The following NAA25 variants were observed in gnomAD, a reference collection of about 807,000 sequenced individuals.
NAA25 encodes the protein N-terminal acetyltransferase B complex subunit NAA25.
Under a neutral mutation model 132.5 loss-of-function variants are expected in NAA25, and 30 were observed. That is an observed-to-expected ratio of 0.23 (90% CI 0.17 to 0.31). The LOEUF is 0.31. NAA25 is among the 10% of genes least tolerant of loss of function. NAA25 has a pLI of 1.00. For synonymous variants in NAA25, 359 were observed against 401.9 expected (o/e 0.89, Z 1.28); for missense variants, 771 against 1,150.4 (o/e 0.67, Z 4.77).
chr12:112,098,074 T>A (rs187875667), intron 1 of NAA25, among the ~76,000 whole-genome samples: 68 of 146,808 alleles, frequency 4.6e-4, no homozygotes, highest in African/African-American at 1.7e-3. Context: ...TGAGCTGAGA[T>A]TGTGCCACTG....
chr12:112,086,073 T>TACATACACACACAC (rs2079049783), intron 4 of NAA25, among the ~76,000 whole-genome samples: 1 of 53,964 alleles, frequency 1.9e-5, no homozygotes, highest in African/African-American at 1.2e-4. Flanking sequence ...TATATATATA[T>TACATACACACACAC]ACACACACAC....
chr12:112,077,736 G>A (rs537591678), intron 7 of NAA25, among the ~76,000 whole-genome samples: 33 of 151,944 alleles, frequency 2.2e-4, no homozygotes, highest in South Asian at 2.1e-3. Context: ...GAATGTTTGC[G>A]GTATCTACAG....
chr12:112,044,209 G>T (rs1367880604), intron 17 of NAA25, among the ~76,000 whole-genome samples: 1 of 151,274 alleles, frequency 6.6e-6, no homozygotes, highest in Non-Finnish European at 1.5e-5. Flanking sequence ...GGGATTACAG[G>T]CGTCAGCTAC....
chr12:112,099,298 T>TC (rs34765565), intron 1 of NAA25, among the ~76,000 whole-genome samples: 156 of 151,806 alleles, frequency 1.0e-3, no homozygotes, highest in African/African-American at 3.6e-3. Context: ...TTTTTTTTTT[T>TC]CCAGAAGGAA....
intron 1 of NAA25, 114 bp downstream of exon 1, chr12:112,108,602 C>A (rs566329894): frequency 5.3e-6 from 6 of 1,139,868 alleles, no homozygotes; most frequent in African/African-American, 1.6e-5. Flanking sequence ...GGCCCGCCCC[C>A]CTGCGCCTGC....
At chr12:112,043,503 T>C in intron 18 of NAA25, 122 bp downstream of exon 18, 1 of 1,150,596 alleles carries the variant, frequency 8.7e-7, no homozygotes, top group Non-Finnish European at 1.2e-6. Flanking sequence ...CTCTTTCTCC[T>C]GCAGAAGCCA....
rs1251238041 is a variant in NAA25, at chr12:112,049,890, T to C, written c.1729-1447A>G. ...AAAACAGCTGGTTAGGAACACATGA[T>C]TCAGTAATTAATCAAAAAGAAAATA... On this transcript the variant is annotated intron_variant, in intron 15 of 23. Coordinates refer to ENST00000261745, the MANE Select transcript of NAA25 (RefSeq NM_024953.4). The surrounding 1 kb of genome is among the most constrained non-coding windows in gnomAD (Gnocchi z 4.7). 6.6e-6 allele frequency among the ~76,000 whole-genome samples: 1 copy of C among 152,112 alleles called. No homozygotes were observed. The highest frequency in any genetic ancestry group is 1.5e-5 in the Non-Finnish European group (1 of 68,018).
chr12:112,047,328 T>C (rs74854666), intron 17 of NAA25, among the ~76,000 whole-genome samples: 1,982 of 150,756 alleles, frequency 0.013, 50 homozygotes, highest in African/African-American at 0.047. Flanking sequence ...GCTCCCTGGG[T>C]TCAAACAATT....
At position 112,087,830 on chromosome 12, in the gene NAA25, T is replaced by C. The variant is rs1363708383; in HGVS notation, c.284-29A>G. 2.1e-6 allele frequency: 3 copies of C among 1,428,104 alleles called. No homozygotes were observed. In the South Asian group the frequency reaches 3.5e-5, roughly 16 times the overall value. The allele number at this position is 1,428,104 out of a possible 1,614,324, so 88.5% of individuals were successfully genotyped here. A position where few individuals can be genotyped will look rare whatever the true frequency, so the allele number is the denominator to read the frequency against. ...AGATAAAGAGAAATAAGATTTAAGT[T>C]ATACTTCAAGAACATTCTAATGGCA... On this transcript the variant is annotated intron_variant, in intron 3 of 23. Transcript: ENST00000261745.
chr12:112,103,585 G>A (rs2079323704), intron 1 of NAA25, among the ~76,000 whole-genome samples: 1 of 152,118 alleles, frequency 6.6e-6, no homozygotes, highest in South Asian at 2.1e-4. Flanking sequence ...ACTCACCAAG[G>A]TACCCTGTCA....
intron 10 of NAA25, among the ~76,000 whole-genome samples, chr12:112,069,776 C>A (rs546610540): frequency 6.7e-6 from 1 of 148,728 alleles, no homozygotes; most frequent in Non-Finnish European, 1.5e-5. Flanking sequence ...GCCGAGACTG[C>A]GCCACTGCAC....
intron 1 of NAA25, among the ~76,000 whole-genome samples, chr12:112,096,434 T>G (rs185718622): frequency 1.3e-5 from 2 of 152,360 alleles, no homozygotes; most frequent in Admixed American, 6.5e-5. Flanking sequence ...TACTAAATTT[T>G]TCTGCAATTA....
intron 11 of NAA25, among the ~76,000 whole-genome samples, chr12:112,064,883 A>T (rs556048910): frequency 1.3e-5 from 2 of 151,906 alleles, no homozygotes; most frequent in East Asian, 3.9e-4. Context: ...AAAAATACAG[A>T]ATTAGCTGGG....
rs546575137 is a variant in NAA25, at chr12:112,072,944, G to GA, written c.867-881dup. 3.9e-4 allele frequency among the ~76,000 whole-genome samples: 59 copies of GA among 150,100 alleles called. 1 individual carries two copies. In the South Asian group the frequency reaches 0.012, roughly 31 times the overall value. ...ACAGAGCAAGACCCCATCTCAAAAA[G>GA]AAAAAAAGGCCAGGCACGGTGGCTC... On this transcript the variant is annotated intron_variant, in intron 9 of 23. Transcript: ENST00000261745.
chr12:112,095,435 TA>T (rs11433063), intron 1 of NAA25, among the ~76,000 whole-genome samples: 122 of 141,380 alleles, frequency 8.6e-4, no homozygotes, highest in Non-Finnish European at 7.9e-4. Flanking sequence ...AGACTCCGTC[TA>T]AAAAAAAAAA....
intron 4 of NAA25, among the ~76,000 whole-genome samples, chr12:112,084,328 T>C (rs1010093389): frequency 1.3e-5 from 2 of 152,156 alleles, no homozygotes; most frequent in African/African-American, 4.8e-5. Flanking sequence ...TTCTAGGCAA[T>C]GGAAAATCAA....
chr12:112,077,134 T>G (rs1372760283), intron 7 of NAA25, among the ~76,000 whole-genome samples: 3 of 151,950 alleles, frequency 2.0e-5, no homozygotes, highest in Non-Finnish European at 4.4e-5. Flanking sequence ...GTAGTGAACT[T>G]TATCTCTAGG....
Position 112,068,870 on chromosome 12 carries a change from T to G in NAA25, c.1149+10A>C. 1 of 1,501,528 alleles carries G rather than the reference T, an allele frequency of 6.7e-7. No individual in the cohort carries two copies. Among genetic ancestry groups the G allele is most frequent in the Non-Finnish European group, 9.2e-7 (1 of 1,087,380 alleles). 93.0% of individuals were successfully genotyped at this position (1,501,528 alleles called of 1,614,324 possible). On this transcript the variant is annotated intron_variant, in intron 11 of 23. Coordinates refer to ENST00000261745, the MANE Select transcript of NAA25 (RefSeq NM_024953.4). ...GCACCCAACAAACTTCTAAACTGTA[T>G]AGTACTTACTTTTGTACACTGTGTA... is the stretch of plus-strand genomic sequence containing the variant.
chr12:112,089,678 G>T (rs2079103681), intron 3 of NAA25, among the ~76,000 whole-genome samples: 1 of 151,978 alleles, frequency 6.6e-6, no homozygotes, highest in Non-Finnish European at 1.5e-5. Context: ...GTAACTCTTG[G>T]TAGGTAAAAG....
Sources: gnomAD v4.1 joint callset for allele counts (sites outside exome capture counted in the v4.1 genomes callset) on GRCh38, gnomAD v4.1.1 for gene constraint, Gnocchi (gnomAD v3.1) non-coding constraint, MANE v1.5 for transcripts, NCBI Gene and HGNC (gene_info 2026-07-23, HGNC 2026-07-21) for gene names.